Variants in COX16 observed in about 807,000 individuals in gnomAD.
COX16 encodes cytochrome c oxidase assembly factor COX16, also known as cytochrome c oxidase assembly protein COX16 homolog, mitochondrial.
In COX16, 12 loss-of-function variants were observed where a neutral mutation model predicts 15.4. The ratio of observed to expected loss-of-function variants is 0.78; its 90% CI spans 0.50 to 1.26. The LOEUF (loss-of-function observed/expected upper bound fraction) is 1.26. Among genes scored for constraint, COX16 ranks in the 50% most tolerant of loss-of-function variants. The pLI, the probability that COX16 is intolerant of heterozygous loss-of-function variation, is 0.00. For missense variants in COX16, 124 were observed against 127.6 expected, an observed-to-expected ratio of 0.97 and a Z score of 0.14; for synonymous variants, 46 against 41.1, an observed-to-expected ratio of 1.12 and a Z score of -0.46.
intron 2 of COX16, 127 bp downstream of exon 2, chr14:70,342,531 A>C: frequency 1.2e-6 from 1 of 822,496 alleles, no homozygotes; most frequent in East Asian, 3.0e-5. Flanking sequence ...AGAAAAAAAC[A>C]AAGATCACAT....
chr14:70,346,395 A>C (rs750460076), intron 1 of COX16, among the ~76,000 whole-genome samples: 3 of 152,184 alleles, frequency 2.0e-5, no homozygotes, highest in Non-Finnish European at 4.4e-5. Context: ...TCCACTTGGC[A>C]CCTTTTCAAG....
At chr14:70,354,117 G>A (rs1887052293) in intron 1 of COX16, among the ~76,000 whole-genome samples, 3 of 151,834 alleles carry the variant, frequency 2.0e-5, no homozygotes, top group South Asian at 2.1e-4. Context: ...TTTAAGACCA[G>A]CCTGGGCAAC....
intron 2 of COX16, among the ~76,000 whole-genome samples, chr14:70,335,446 G>A (rs1460749974): frequency 2.0e-5 from 3 of 151,956 alleles, no homozygotes; most frequent in Non-Finnish European, 4.4e-5. Flanking sequence ...CCATATGTTA[G>A]GCCACAAAGT....
In COX16 at chr14:70,343,466, A is replaced by G. The variant is rs544140272; in HGVS notation, c.70-737T>C. Among the ~76,000 whole-genome samples, 8 of 152,248 alleles carry G rather than the reference A, an allele frequency of 5.3e-5. No homozygotes were observed. In the South Asian group the frequency reaches 1.7e-3, roughly 32 times the overall value. On this transcript the variant is annotated intron_variant, in intron 1 of 3. Coordinates refer to ENST00000389912, the MANE Select transcript of COX16 (RefSeq NM_016468.7). Reference sequence around the variant, plus strand: ...GGTAAACCCAGCAGTAAAACTTGCCATTTTTTCCTTCAAGACCAGAATTCT... The same window carrying G: ...GGTAAACCCAGCAGTAAAACTTGCCGTTTTTTCCTTCAAGACCAGAATTCT...
chr14:70,358,035 TATCC>T (rs1343328918), intron 1 of COX16, among the ~76,000 whole-genome samples: 2 of 152,356 alleles, frequency 1.3e-5, no homozygotes, highest in East Asian at 3.9e-4. Flanking sequence ...AATGGAATTA[TATCC>T]ATCAAAAGGA....
intron 2 of COX16, among the ~76,000 whole-genome samples, chr14:70,329,906 C>T (rs1886227136): frequency 6.6e-6 from 1 of 151,496 alleles, no homozygotes; most frequent in Non-Finnish European, 1.5e-5. Context: ...GAGGATTTCA[C>T]TGGAATAATG....
At chr14:70,351,482 C>T (rs926053715) in intron 1 of COX16, among the ~76,000 whole-genome samples, 4 of 152,186 alleles carry the variant, frequency 2.6e-5, no homozygotes, top group Non-Finnish European at 5.9e-5. Flanking sequence ...ACCTTCCTCT[C>T]TTTACCGTTA....
intron 1 of COX16, among the ~76,000 whole-genome samples, chr14:70,357,777 A>C (rs748911033): frequency 9.2e-5 from 14 of 152,242 alleles, no homozygotes; most frequent in Non-Finnish European, 1.9e-4. Flanking sequence ...GAGAAATTGA[A>C]AATCATATCT....
intron 2 of COX16, among the ~76,000 whole-genome samples, chr14:70,335,485 T>G (rs1258634830): frequency 6.6e-6 from 1 of 151,948 alleles, no homozygotes; most frequent in Non-Finnish European, 1.5e-5. Context: ...GTATCAATCA[T>G]ATCAAGTGTC....
In COX16 at chr14:70,326,465, AAATT is replaced by A. The variant is rs1886080353; in HGVS notation, c.205-20_205-17del. The A allele has an allele frequency of 6.4e-7, 1 of 1,557,848 alleles. No individual in the cohort carries two copies. Among genetic ancestry groups the A allele is most frequent in the African/African-American group, 1.4e-5 (1 of 71,634 alleles). ...CTTTGATTTTCTATAGAACCACAAA[AAATT>A]AAAGTATAAATATTAGTATAAGAGC... On this transcript the variant is annotated splice_polypyrimidine_tract_variant and intron_variant, in intron 3 of 3. Transcript: ENST00000389912.
chr14:70,336,487 TG>T (rs1318673387), intron 2 of COX16, among the ~76,000 whole-genome samples: 1 of 152,180 alleles, frequency 6.6e-6, no homozygotes, highest in African/African-American at 2.4e-5. Flanking sequence ...GTTTCTGTAT[TG>T]TGTTTCACAA....
At chr14:70,344,715 A>G (rs929752713) in intron 1 of COX16, among the ~76,000 whole-genome samples, 8 of 152,186 alleles carry the variant, frequency 5.3e-5, no homozygotes, top group Non-Finnish European at 1.2e-4. Context: ...TCTCAGGCCC[A>G]GTCCCAAGGC....
intron 1 of COX16, among the ~76,000 whole-genome samples, chr14:70,344,804 C>A (rs1886726497): frequency 6.6e-6 from 1 of 152,198 alleles, no homozygotes; most frequent in African/African-American, 2.4e-5. Context: ...ATACGTACCC[C>A]TGAAGATTGA....
chr14:70,343,295 C>T (rs1272628700), intron 1 of COX16, among the ~76,000 whole-genome samples: 1 of 152,226 alleles, frequency 6.6e-6, no homozygotes, highest in East Asian at 1.9e-4. Flanking sequence ...TGTCTATACT[C>T]ATTGCCCATA....
At chr14:70,332,630 G>A (rs778018517) in intron 2 of COX16, among the ~76,000 whole-genome samples, 10 of 152,194 alleles carry the variant, frequency 6.6e-5, no homozygotes, top group East Asian at 3.9e-4. Flanking sequence ...AGTAGATCCC[G>A]AGGCAGCTCA....
intron 3 of COX16, among the ~76,000 whole-genome samples, chr14:70,328,941 C>T (rs187805749): frequency 6.6e-6 from 1 of 152,098 alleles, no homozygotes; most frequent in African/African-American, 2.4e-5. Context: ...TTATATTCTC[C>T]TAGTACTTTC....
chr14:70,357,652 CATA>C (rs1887171574), intron 1 of COX16, among the ~76,000 whole-genome samples: 1 of 152,210 alleles, frequency 6.6e-6, no homozygotes, highest in Non-Finnish European at 1.5e-5. Flanking sequence ...AGATGCTCAA[CATA>C]ATAAGTCGTT....
intron 2 of COX16, among the ~76,000 whole-genome samples, chr14:70,331,517 CAT>C (rs1170446641): frequency 6.6e-6 from 1 of 152,016 alleles, no homozygotes; most frequent in Admixed American, 6.5e-5. Flanking sequence ...GGCCAACAGA[CAT>C]ATAAAAAGTG....
At chr14:70,327,552 G>A (rs530329013) in intron 3 of COX16, among the ~76,000 whole-genome samples, 20 of 152,020 alleles carry the variant, frequency 1.3e-4, no homozygotes, top group Non-Finnish European at 2.5e-4. Flanking sequence ...CCAGGAGTCT[G>A]TATTACATAT....
Sources: gnomAD v4.1 joint callset for allele counts (sites outside exome capture counted in the v4.1 genomes callset) on GRCh38, gnomAD v4.1.1 for gene constraint, MANE v1.5 for transcripts, NCBI Gene and HGNC (gene_info 2026-07-23, HGNC 2026-07-21) for gene names.